Variants in HGSNAT observed in about 807,000 individuals in gnomAD.
The protein encoded by HGSNAT is heparan-alpha-glucosaminide N-acetyltransferase.
A neutral mutation model predicts 85.2 loss-of-function variants in HGSNAT; 59 were observed. The observed-to-expected ratio is 0.69, with a 90% confidence interval of 0.56 to 0.86. HGSNAT has a LOEUF of 0.86. Among genes scored for constraint, HGSNAT ranks in the 40% least tolerant of loss-of-function variants. The pLI is 0.00. For synonymous variants in HGSNAT, 321 were observed against 304.5 expected (o/e 1.05, Z -0.56); for missense variants, 756 against 777.1 (o/e 0.97, Z 0.32).
intron 12 of HGSNAT, 145 bp from the exon 13 acceptor site, chr8:43,192,159 C>A: frequency 1.2e-6 from 1 of 810,720 alleles, no homozygotes; most frequent in Admixed American, 3.0e-5. Flanking sequence ...AATTCCTGAC[C>A]TCAGGTGATC....
rs1803172839 is a variant in HGSNAT at position 43,158,719 on chromosome 8, C to T, written c.371+8C>T. The T allele has an allele frequency of 1.4e-5, 22 of 1,594,188 alleles. No individual in the cohort carries two copies. The highest frequency in any genetic ancestry group is 1.9e-5 in the Non-Finnish European group (22 of 1,170,156). On this transcript the variant is annotated splice_region_variant and intron_variant, in intron 3 of 17. Coordinates refer to ENST00000379644, the MANE Select transcript of HGSNAT (RefSeq NM_152419.3). ...AGAGAAAGAAGTTTGTAGGTTTGTG[C>T]CTGCTTTGTTGTGATCTAAGTGAAG...
chr8:43,181,764 G>C (rs1804132549), intron 10 of HGSNAT: 2 of 197,114 alleles, frequency 1.0e-5, no homozygotes, highest in South Asian at 2.2e-4. Context: ...TGTTGGGCCT[G>C]CAAGGTCCTA....
chr8:43,187,163 TGG>T, intron 11 of HGSNAT, among the ~76,000 whole-genome samples: 1 of 152,352 alleles, frequency 6.6e-6, no homozygotes, highest in South Asian at 2.1e-4. Flanking sequence ...CAGGTCTGTG[TGG>T]TGCAGAGCTG....
chr8:43,197,573 C>G, intron 15 of HGSNAT, 99 bp from the exon 16 acceptor site: 1 of 860,482 alleles, frequency 1.2e-6, no homozygotes, highest in African/African-American at 1.7e-5. Context: ...TTTCAGCCCT[C>G]TCTACGTGAT....
chr8:43,150,783 A>G (rs1299423365), intron 2 of HGSNAT, among the ~76,000 whole-genome samples: 4 of 152,006 alleles, frequency 2.6e-5, no homozygotes, highest in Non-Finnish European at 5.9e-5. Context: ...GCAAAGAGCC[A>G]AGATTGCGCC....
intron 10 of HGSNAT, chr8:43,181,844 C>G: frequency 2.7e-6 from 1 of 376,674 alleles, no homozygotes; most frequent in Non-Finnish European, 4.8e-6. Context: ...CTGGCTTTAT[C>G]CCCACACCTG....
Position 43,172,398 on chromosome 8 carries a change from C to T in HGSNAT, c.820+12C>T. The T allele has an allele frequency of 6.4e-7, 1 of 1,563,106 alleles. No homozygotes were observed. The highest frequency in any genetic ancestry group is 8.8e-7 in the Non-Finnish European group (1 of 1,133,744). ...TGCAAGTTGGAATGGTAAGATATTT[C>T]CTAAAAGTAATGTTGCTTATATACG... On this transcript the variant is annotated intron_variant, in intron 8 of 17. Transcript: ENST00000379644.
intron 5 of HGSNAT, among the ~76,000 whole-genome samples, chr8:43,167,312 A>G (rs1803463777): frequency 6.6e-6 from 1 of 152,200 alleles, no homozygotes; most frequent in South Asian, 2.1e-4. Context: ...TGCTGCAGAG[A>G]AATCTTGTGA....
chr8:43,173,586 C>T lies in HGSNAT; in HGVS notation c.821-127C>T, dbSNP rs370782126. 134 of 989,016 alleles carry T rather than the reference C, an allele frequency of 1.4e-4. No individual in the cohort carries two copies. In the East Asian group the frequency reaches 2.0e-3, roughly 15 times the overall value. 61.3% of individuals were successfully genotyped at this position (989,016 alleles called of 1,614,324 possible). A position where few individuals can be genotyped will look rare whatever the true frequency, so the allele number is the denominator to read the frequency against. On this transcript the variant is annotated intron_variant, in intron 8 of 17. Transcript: ENST00000379644. ...CGGCCCCCACAAAGTGTTGGGATTA[C>T]GGGCATGAGTCACTGCGCCTCCCCT...
chr8:43,182,309 A>G, intron 11 of HGSNAT, 49 bp downstream of exon 11: 1 of 1,405,160 alleles, frequency 7.1e-7, no homozygotes, highest in South Asian at 1.2e-5. Flanking sequence ...AATTAAAAAA[A>G]ATGTATTGTG....
At chr8:43,170,204 G>A (rs969693698) in intron 6 of HGSNAT, among the ~76,000 whole-genome samples, 6 of 152,102 alleles carry the variant, frequency 3.9e-5, no homozygotes, top group African/African-American at 7.2e-5. Context: ...AATTGATGCC[G>A]GTTGCGGTGA....
At position 43,201,884 on chromosome 8, in the gene HGSNAT, G is replaced by A. The variant is rs1254332104; in HGVS notation, c.*2315G>A. The A allele has an allele frequency of 1.3e-5, 2 of 152,136 alleles. No homozygotes were observed. The highest frequency in any genetic ancestry group is 2.9e-5 in the Non-Finnish European group (2 of 68,044). The allele number at this position is 152,136 out of a possible 1,614,324, so 9.4% of individuals were successfully genotyped here. A position where few individuals can be genotyped will look rare whatever the true frequency, so the allele number is the denominator to read the frequency against. ...GCTGGTAAGATGAGCATGTATCCGG[G>A]GTGCCCATGAAATGTTCTTGGGGCC... On this transcript the variant is annotated 3_prime_UTR_variant, in exon 18 of 18. Coordinates refer to ENST00000379644, the MANE Select transcript of HGSNAT (RefSeq NM_152419.3). This position sits in a 1 kb window ranked among gnomAD's most constrained non-coding sequence, Gnocchi z 4.4.
chr8:43,162,659 C>T (rs1233478705), intron 5 of HGSNAT, among the ~76,000 whole-genome samples: 1 of 151,132 alleles, frequency 6.6e-6, no homozygotes, highest in African/African-American at 2.4e-5. Flanking sequence ...TCAGGTGATT[C>T]TCCCACCTTT....
At chr8:43,147,602 A>G (rs763023105) in intron 2 of HGSNAT, among the ~76,000 whole-genome samples, 4 of 152,242 alleles carry the variant, frequency 2.6e-5, no homozygotes, top group Non-Finnish European at 5.9e-5. Context: ...CTTTGCAGCA[A>G]CATGGATGCA....
intron 2 of HGSNAT, among the ~76,000 whole-genome samples, chr8:43,148,974 C>T (rs377067467): frequency 2.5e-4 from 37 of 150,012 alleles, no homozygotes; most frequent in African/African-American, 7.8e-4. Context: ...AAATTAGCTA[C>T]GCACAGTGGT....
intron 2 of HGSNAT, among the ~76,000 whole-genome samples, chr8:43,152,029 G>A (rs898533575): frequency 2.0e-5 from 3 of 152,116 alleles, no homozygotes; most frequent in African/African-American, 4.8e-5. Context: ...TGGTTCATAC[G>A]TCTAATCCCA....
intron 2 of HGSNAT, among the ~76,000 whole-genome samples, chr8:43,150,747 T>C (rs1693712653): frequency 6.6e-6 from 1 of 151,968 alleles, no homozygotes; most frequent in African/African-American, 2.4e-5. Flanking sequence ...GGCAGGAGAA[T>C]GGCGTGAACC....
At chr8:43,158,272 T>G (rs1029709120) in intron 2 of HGSNAT, among the ~76,000 whole-genome samples, 2 of 152,134 alleles carry the variant, frequency 1.3e-5, no homozygotes, top group African/African-American at 2.4e-5. Flanking sequence ...CTAATTTTTG[T>G]ATTTTTTAGT....
chr8:43,190,985 C>T (rs923760825), intron 11 of HGSNAT, among the ~76,000 whole-genome samples: 2 of 152,132 alleles, frequency 1.3e-5, no homozygotes, highest in African/African-American at 4.8e-5. Flanking sequence ...CTAGACAGTC[C>T]GTATACATGA....
Sources: gnomAD v4.1 joint callset for allele counts (sites outside exome capture counted in the v4.1 genomes callset) on GRCh38, gnomAD v4.1.1 for gene constraint, Gnocchi (gnomAD v3.1) non-coding constraint, MANE v1.5 for transcripts, NCBI Gene and HGNC (gene_info 2026-07-23, HGNC 2026-07-21) for gene names.